The following ITGB5 variants were observed in gnomAD, a reference collection of about 807,000 sequenced individuals.
ITGB5 encodes integrin subunit beta 5.
Under a neutral mutation model 84.8 loss-of-function variants are expected in ITGB5, and 38 were observed. The ratio of observed to expected loss-of-function variants is 0.45; its 90% CI spans 0.35 to 0.59. The LOEUF (loss-of-function observed/expected upper bound fraction) is 0.59. ITGB5 is among the 20% of genes least tolerant of loss of function. The pLI is 0.01. For missense variants in ITGB5, 905 were observed against 1,034.5 expected (o/e 0.87, Z 1.72); for synonymous variants, 393 against 414.4 (o/e 0.95, Z 0.63).
At position 124,763,620 on chromosome 3, in the gene ITGB5, ACAT is replaced by A. The variant is rs1284286047; in HGVS notation, c.2400_*2del. On this transcript the variant is annotated stop_lost and 3_prime_UTR_variant, in exon 15 of 15. Transcript: ENST00000296181. ...CCGCTCCAGCCCCTCGGAGAAGGAA[ACAT>A]CAGTCCACAGTGCCATTGTAGGATT... The A allele has an allele frequency of 2.5e-6, 4 of 1,569,096 alleles. No individual in the cohort carries two copies. Among genetic ancestry groups the A allele is most frequent in the Non-Finnish European group, 8.8e-7 (1 of 1,138,836 alleles).
intron 8 of ITGB5, among the ~76,000 whole-genome samples, chr3:124,811,384 A>T (rs564548580): frequency 6.6e-6 from 1 of 152,364 alleles, no homozygotes; most frequent in South Asian, 2.1e-4. Context: ...AATATTAAAA[A>T]ATAAATTTAT....
intron 10 of ITGB5, among the ~76,000 whole-genome samples, chr3:124,779,305 G>C (rs1001959906): frequency 1.3e-5 from 2 of 152,140 alleles, no homozygotes; most frequent in African/African-American, 4.8e-5. Flanking sequence ...AAAGTGGAGG[G>C]ATGAGACAAT....
rs144683810 is a variant in ITGB5 at position 124,767,731 on chromosome 3, C to T, written c.2017+1282G>A. 2.5e-3 allele frequency among the ~76,000 whole-genome samples: 381 copies of T among 152,318 alleles called. 3 individuals are homozygous for T. The highest frequency in any genetic ancestry group is 8.4e-3 in the African/African-American group (348 of 41,558). ...CTAAGGAGATAGACAGCACCTGGCA[C>T]ACAGTAGGCGCTCAACGAATATGTG... On this transcript the variant is annotated intron_variant, in intron 12 of 14. Transcript: ENST00000296181.
intron 10 of ITGB5, among the ~76,000 whole-genome samples, chr3:124,775,084 C>T (rs1365896480): frequency 6.6e-6 from 1 of 152,192 alleles, no homozygotes; most frequent in African/African-American, 2.4e-5. Flanking sequence ...AGGGGGATGC[C>T]CTGGCCCTTC....
Position 124,773,554 on chromosome 3 carries a change from G to T in ITGB5, c.1916+136C>A, listed in dbSNP as rs2063878937. On this transcript the variant is annotated intron_variant, in intron 11 of 14. Transcript: ENST00000296181. ...TTCAGTTACGGTTGGTAAGAATGCG[G>T]CTCCCCAGCGAGGCTTGCTGGGTGG... The T allele has an allele frequency of 7.1e-6, 5 of 701,458 alleles. No individual in the cohort carries two copies. The South Asian group carries it at 7.4e-5, about 10-fold the overall frequency. 43.5% of individuals were successfully genotyped at this position (701,458 alleles called of 1,614,324 possible).
chr3:124,863,924 CATT>C (rs1306612957), intron 2 of ITGB5, among the ~76,000 whole-genome samples: 2 of 138,812 alleles, frequency 1.4e-5, no homozygotes, highest in African/African-American at 2.7e-5. Flanking sequence ...GGTATACAAA[CATT>C]ATAAATCTGG....
At chr3:124,898,692 G>A (rs954741640) in intron 1 of ITGB5, among the ~76,000 whole-genome samples, 2 of 139,320 alleles carry the variant, frequency 1.4e-5, no homozygotes, top group African/African-American at 2.6e-5. Flanking sequence ...CACTTTGGGA[G>A]GTTGAAGCAG....
At chr3:124,871,772 G>C (rs1174834611) in intron 2 of ITGB5, among the ~76,000 whole-genome samples, 1 of 151,942 alleles carries the variant, frequency 6.6e-6, no homozygotes, top group Non-Finnish European at 1.5e-5. Flanking sequence ...GCTGTAGTGA[G>C]CTATGATCAC....
chr3:124,820,643 A>C (rs908574421), intron 6 of ITGB5, among the ~76,000 whole-genome samples: 2 of 152,190 alleles, frequency 1.3e-5, no homozygotes, highest in African/African-American at 4.8e-5. Flanking sequence ...TGGATTTGAG[A>C]AAGAAAAGGA....
chr3:124,796,340 G>A (rs376297777), intron 10 of ITGB5, 48 bp downstream of exon 10: 46 of 1,515,146 alleles, frequency 3.0e-5, no homozygotes, highest in Non-Finnish European at 3.7e-5. Flanking sequence ...GTGTCCTAAC[G>A]GCATCTTGGC....
chr3:124,876,723 T>C (rs749917217), intron 1 of ITGB5, among the ~76,000 whole-genome samples: 1 of 152,120 alleles, frequency 6.6e-6, no homozygotes, highest in Non-Finnish European at 1.5e-5. Context: ...GGCCTCCTCA[T>C]CCTTATCTAC....
At chr3:124,866,734 C>T (rs1056227916) in intron 2 of ITGB5, among the ~76,000 whole-genome samples, 2 of 152,186 alleles carry the variant, frequency 1.3e-5, no homozygotes, top group Non-Finnish European at 2.9e-5. Flanking sequence ...ACCAGCCACA[C>T]CTGCAGCTCC....
Position 124,839,190 on chromosome 3 carries a change from G to A in ITGB5, c.780+2193C>T, listed in dbSNP as rs372221520. On this transcript the variant is annotated intron_variant, in intron 5 of 14. Transcript: ENST00000296181. ...CCAGGTATTCCCTTTTGCAAAGGTC[G>A]TGGTGAGGAATAAAGAGCAAATTTC... 2.0e-4 allele frequency among the ~76,000 whole-genome samples: 31 copies of A among 152,314 alleles called. No homozygotes were observed. In the South Asian group the frequency reaches 4.3e-3, roughly 21 times the overall value.
At position 124,841,427 on chromosome 3, in the gene ITGB5, G is replaced by C. The variant is rs1361663027; in HGVS notation, c.736C>G (p.Pro246Ala). ...AGTACTGCATCAAAGCCCCCCTCAG[G>C]GGCATCTCGGTTCCGGGACACCCTC... ...KQRVSRNRDA[P>A]EGGFDAVLQA... The change falls in exon 5 of 15, where the codon CCT (proline) becomes GCT (alanine). Residue 246 changes from proline (P) to alanine (A), a missense_variant. Around this residue, in one of 3 missense-constraint regions of ITGB5, gnomAD observed 656 missense variants for 734.7 expected, o/e 0.89. Coordinates refer to ENST00000296181, the MANE Select transcript of ITGB5 (RefSeq NM_002213.5). The C allele has an allele frequency of 1.9e-6, 3 of 1,614,184 alleles. 1 individual carries two copies. The South Asian group carries it at 3.3e-5, about 18-fold the overall frequency.
Position 124,882,498 on chromosome 3 carries a change from G to C in ITGB5, c.70+4433C>G, listed in dbSNP as rs773269689. On this transcript the variant is annotated intron_variant, in intron 1 of 14. Coordinates refer to ENST00000296181, the MANE Select transcript of ITGB5 (RefSeq NM_002213.5). Reference sequence around the variant, plus strand: ...AGGACAGTATTCCAGGCAGGGAGAAGGGCTGCCATGGGAGCATGGCTGGCA... The same window carrying C: ...AGGACAGTATTCCAGGCAGGGAGAACGGCTGCCATGGGAGCATGGCTGGCA... 3.7e-4 allele frequency among the ~76,000 whole-genome samples: 56 copies of C among 152,314 alleles called. 1 individual carries two copies. The highest frequency in any genetic ancestry group is 3.4e-3 in the Middle Eastern group (1 of 294).
At chr3:124,814,352 T>A (rs186867509) in intron 8 of ITGB5, among the ~76,000 whole-genome samples, 3 of 152,052 alleles carry the variant, frequency 2.0e-5, no homozygotes, top group Non-Finnish European at 4.4e-5. Flanking sequence ...ATGTTCAGTA[T>A]CTCTATGGTG....
In ITGB5 at chr3:124,841,548, G is replaced by A. The variant is rs750107125; in HGVS notation, c.615C>T (p.Tyr205=). 2.0e-5 allele frequency: 32 copies of A among 1,613,452 alleles called. No individual in the cohort carries two copies. The highest frequency in any genetic ancestry group is 8.3e-5 in the Admixed American group (5 of 59,916). The change falls in exon 5 of 15, where the codon TAC becomes TAT. Residue 205 remains tyrosine (Y), a synonymous_variant. Transcript: ENST00000296181. ...AGGGGACGCAATTTGGAAACAACTT[G>A]TAACTAGAGAGGAAGAAGAGAAGAG... ...PRYQTNPCIG[Y]KLFPNCVPSF...
upstream of ITGB5, among the ~76,000 whole-genome samples, chr3:124,889,637 C>A (rs1308187134): frequency 6.6e-6 from 1 of 152,186 alleles, no homozygotes; most frequent in African/African-American, 2.4e-5. Context: ...TTTACAGGAG[C>A]TGTCCTGGGT....
At chr3:124,867,232 T>C (rs932824196) in intron 2 of ITGB5, among the ~76,000 whole-genome samples, 3 of 152,160 alleles carry the variant, frequency 2.0e-5, no homozygotes, top group African/African-American at 7.2e-5. Flanking sequence ...ACTAGTCTTC[T>C]CCCATGCCCG....
Sources: allele counts gnomAD v4.1 joint callset (sites outside exome capture counted in the v4.1 genomes callset), GRCh38; gene constraint gnomAD v4.1.1; regional missense constraint gnomAD v4.1.1; transcripts MANE v1.5; gene names NCBI Gene and HGNC (gene_info 2026-07-23, HGNC 2026-07-21).